HDAC4: variants seen among roughly 807,000 people sequenced by gnomAD.
The protein encoded by HDAC4 is histone deacetylase A.
In HDAC4, 16 loss-of-function variants were observed where a neutral mutation model predicts 135.1. The observed-to-expected ratio is 0.12, with a 90% CI of 0.08 to 0.18. The LOEUF is 0.18. HDAC4 is among the 10% of genes least tolerant of loss of function. The pLI is 1.00. For missense variants in HDAC4, 1,143 were observed against 1,511.8 expected (o/e 0.76, Z 4.05); for synonymous variants, 685 against 653.4 (o/e 1.05, Z -0.74).
chr2:239,337,240 G>A lies in HDAC4; in HGVS notation c.22+15438C>T, dbSNP rs774892257. Among the ~76,000 whole-genome samples, 9 of 152,134 alleles carry A rather than the reference G, an allele frequency of 5.9e-5. No individual in the cohort carries two copies. In the East Asian group the frequency reaches 1.3e-3, roughly 23 times the overall value. ...GGGAGTGGAGGAAATGGCAAGGCTC[G>A]GAGACACTGCTGTCAGATGCACGTG... is the stretch of plus-strand genomic sequence containing the variant. On this transcript the variant is annotated intron_variant, in intron 2 of 26. Transcript: ENST00000543185.
At chr2:239,369,833 G>C (rs1694481192) in intron 1 of HDAC4, among the ~76,000 whole-genome samples, 2 of 152,184 alleles carry the variant, frequency 1.3e-5, no homozygotes, top group South Asian at 4.1e-4. Flanking sequence ...AGAGCTTAAA[G>C]GAGCTGAGGA....
At chr2:239,161,897 T>A in intron 6 of HDAC4, 1 of 365,304 alleles carries the variant, frequency 2.7e-6, no homozygotes, top group Non-Finnish European at 5.4e-6. Context: ...AGGCCACTTC[T>A]TCTCCCGTGG....
At position 239,400,009 on chromosome 2, in the gene HDAC4, C is replaced by T. The variant is rs1355079223; in HGVS notation, c.-220+969G>A. Among the ~76,000 whole-genome samples, 1 of 152,186 alleles carries T rather than the reference C, an allele frequency of 6.6e-6. No individual in the cohort carries two copies. Among genetic ancestry groups the T allele is most frequent in the Non-Finnish European group, 1.5e-5 (1 of 68,018 alleles). On this transcript the variant is annotated intron_variant, in intron 1 of 26. Transcript: ENST00000543185. The surrounding 1 kb of genome is among the most constrained non-coding windows in gnomAD (Gnocchi z 4.7). ...CCACCCCCGGCCTTTCCAACTGATA[C>T]GCACGGTCTCCTCCTATAACAGTGT...
intron 15 of HDAC4, among the ~76,000 whole-genome samples, chr2:239,104,859 A>G (rs527409181): frequency 1.3e-5 from 2 of 152,400 alleles, no homozygotes; most frequent in East Asian, 1.9e-4. Flanking sequence ...AATAAGGCAA[A>G]GAAGAAAAGT....
rs180920735 is a variant in HDAC4, at chr2:239,243,923, C to T, written c.23-7259G>A. The stretch of plus-strand genomic sequence containing the variant: ...CCCTGGTGCCCATTTTCTGTCCTAG[C>T]GCCCATCCAGGGTCCTGCCTCTCTT... On this transcript the variant is annotated intron_variant, in intron 2 of 26. Coordinates refer to ENST00000543185, the MANE Select transcript of HDAC4 (RefSeq NM_001378414.1). 2.0e-5 allele frequency among the ~76,000 whole-genome samples: 3 copies of T among 152,320 alleles called. No homozygotes were observed. The East Asian group carries it at 5.8e-4, about 29-fold the overall frequency.
chr2:239,342,368 T>A (rs1692347277), intron 2 of HDAC4, among the ~76,000 whole-genome samples: 1 of 152,086 alleles, frequency 6.6e-6, no homozygotes, highest in Admixed American at 6.6e-5. Context: ...TGTAGTTGTA[T>A]ACAGAAAAGA....
intron 2 of HDAC4, among the ~76,000 whole-genome samples, chr2:239,284,528 G>T (rs1476691242): frequency 6.6e-6 from 1 of 152,206 alleles, no homozygotes; most frequent in South Asian, 2.1e-4. Flanking sequence ...TTCCACACAC[G>T]CCAGGTGACA....
At chr2:239,345,648 C>A (rs184187126) in intron 2 of HDAC4, among the ~76,000 whole-genome samples, 1 of 151,182 alleles carries the variant, frequency 6.6e-6, no homozygotes, top group Non-Finnish European at 1.5e-5. Context: ...ACTCTCAACC[C>A]TGTCTAAAAA....
chr2:239,213,241 C>CA (rs1276556567), intron 3 of HDAC4, among the ~76,000 whole-genome samples: 4 of 1,296 alleles, frequency 3.1e-3, no homozygotes, highest in African/African-American at 0.011. Context: ...GAGGGGCGGG[C>CA]GGGGCACAGC....
At chr2:239,195,974 G>A (rs2045353932) in intron 3 of HDAC4, among the ~76,000 whole-genome samples, 1 of 152,206 alleles carries the variant, frequency 6.6e-6, no homozygotes, top group African/African-American at 2.4e-5. Flanking sequence ...CTCAGGACGC[G>A]ATTTCATGCC....
chr2:239,260,859 T>G (rs1394532329), intron 2 of HDAC4, among the ~76,000 whole-genome samples: 1 of 152,110 alleles, frequency 6.6e-6, no homozygotes, highest in Non-Finnish European at 1.5e-5. Flanking sequence ...GGATGGGGAC[T>G]CACACCTTGA....
At chr2:239,103,277 C>T (rs1206366553) in intron 15 of HDAC4, among the ~76,000 whole-genome samples, 2 of 152,222 alleles carry the variant, frequency 1.3e-5, no homozygotes, top group Admixed American at 6.5e-5. Flanking sequence ...CAAGGGAAAC[C>T]CCAGCCGCGC....
At chr2:239,114,500 C>G (rs548634206) in intron 13 of HDAC4, among the ~76,000 whole-genome samples, 1 of 152,324 alleles carries the variant, frequency 6.6e-6, no homozygotes, top group South Asian at 2.1e-4. Context: ...TGGAAATTAA[C>G]CAGTCATTCA....
chr2:239,295,536 T>A (rs2125559646), intron 2 of HDAC4, among the ~76,000 whole-genome samples: 1 of 152,150 alleles, frequency 6.6e-6, no homozygotes, highest in South Asian at 2.1e-4. Context: ...TTTCTAAAAC[T>A]TCCCAGAGCA....
intron 1 of HDAC4, among the ~76,000 whole-genome samples, chr2:239,398,434 G>A (rs1182685442): frequency 6.6e-6 from 1 of 152,224 alleles, no homozygotes; most frequent in Non-Finnish European, 1.5e-5. Flanking sequence ...CGATTACTGG[G>A]CATAAATATG....
At chr2:239,059,169 A>AT (rs2106473571) in intron 24 of HDAC4, among the ~76,000 whole-genome samples, 1 of 152,346 alleles carries the variant, frequency 6.6e-6, no homozygotes, top group Admixed American at 6.5e-5. Context: ...AGTGCTACCT[A>AT]TCACGATGTG....
chr2:239,195,897 T>G (rs998853705), intron 3 of HDAC4, among the ~76,000 whole-genome samples: 4 of 152,190 alleles, frequency 2.6e-5, no homozygotes, highest in African/African-American at 9.7e-5. Flanking sequence ...TCTCTCTCTC[T>G]CGCTCTTTTA....
At chr2:239,158,573 G>A (rs943772707) in intron 6 of HDAC4, among the ~76,000 whole-genome samples, 1 of 152,084 alleles carries the variant, frequency 6.6e-6, no homozygotes, top group African/African-American at 2.4e-5. Context: ...CAGAGCAGCA[G>A]GTGCAGGAGG....
chr2:239,280,818 C>T (rs2050668784), intron 2 of HDAC4, among the ~76,000 whole-genome samples: 1 of 151,330 alleles, frequency 6.6e-6, no homozygotes, highest in Non-Finnish European at 1.5e-5. Context: ...AATGTACACA[C>T]CACTCTACAA....
Sources: allele counts gnomAD v4.1 joint callset (sites outside exome capture counted in the v4.1 genomes callset), GRCh38; gene constraint gnomAD v4.1.1; non-coding constraint Gnocchi (gnomAD v3.1); transcripts MANE v1.5; gene names NCBI Gene and HGNC (gene_info 2026-07-23, HGNC 2026-07-21).